The following STX8 variants were observed in gnomAD, a reference collection of about 807,000 sequenced individuals.
STX8 encodes the protein syntaxin 8.
In STX8, 23 loss-of-function variants were observed where a neutral mutation model predicts 37.5. The ratio of observed to expected loss-of-function variants is 0.61; its 90% CI spans 0.44 to 0.87. The LOEUF is 0.87. STX8 is among the 40% of genes least tolerant of loss of function. STX8 has a pLI of 0.00. For synonymous variants in STX8, 115 were observed against 99.1 expected (o/e 1.16, Z -0.95); for missense variants, 313 against 284.7 (o/e 1.10, Z -0.71).
rs190078022 is a variant in STX8 at position 9,323,418 on chromosome 17, G to A, written c.643+55134C>T. ...GCTATGATTTTTAAATTAAAAACACGTCAAATAACTCTGTATTTTATAAAC... is the reference window on the plus strand; with the variant it reads ...GCTATGATTTTTAAATTAAAAACACATCAAATAACTCTGTATTTTATAAAC... On this transcript the variant is annotated intron_variant, in intron 7 of 7. Transcript: ENST00000306357. Among the ~76,000 whole-genome samples the A allele has an allele frequency of 3.1e-3, 479 of 152,182 alleles. 9 individuals are homozygous for A. The highest frequency in any genetic ancestry group is 4.6e-3 in the East Asian group (24 of 5,184).
At chr17:9,485,569 G>GTT (rs1266626105) in intron 6 of STX8, among the ~76,000 whole-genome samples, 1 of 146,310 alleles carries the variant, frequency 6.8e-6, no homozygotes, top group African/African-American at 2.5e-5. Flanking sequence ...GGAGTTCTTT[G>GTT]TTTTTGTTTT....
At chr17:9,498,954 ATTG>A (rs1191510997) in intron 5 of STX8, among the ~76,000 whole-genome samples, 3 of 152,192 alleles carry the variant, frequency 2.0e-5, no homozygotes, top group Non-Finnish European at 4.4e-5. Context: ...CAATTAAGTG[ATTG>A]TCATCACCCA....
At chr17:9,257,341 T>C (rs1229268026) in intron 7 of STX8, among the ~76,000 whole-genome samples, 1 of 152,050 alleles carries the variant, frequency 6.6e-6, no homozygotes, top group Admixed American at 6.6e-5. Flanking sequence ...TCATCTGGAG[T>C]CATGGTCCAT....
intron 7 of STX8, among the ~76,000 whole-genome samples, chr17:9,339,399 A>T (rs1910255420): frequency 6.6e-6 from 1 of 152,124 alleles, no homozygotes; most frequent in Non-Finnish European, 1.5e-5. Context: ...TCACGCCTGT[A>T]ATCCCAGCAC....
At chr17:9,448,946 C>T (rs1017963780) in intron 6 of STX8, among the ~76,000 whole-genome samples, 11 of 151,974 alleles carry the variant, frequency 7.2e-5, no homozygotes, top group Admixed American at 4.6e-4. Flanking sequence ...TATATTACTG[C>T]AATCTTTTTT....
intron 7 of STX8, among the ~76,000 whole-genome samples, chr17:9,327,868 C>G (rs1286880849): frequency 6.6e-6 from 1 of 151,762 alleles, no homozygotes; most frequent in Non-Finnish European, 1.5e-5. Context: ...CTCCCTTCCT[C>G]TCTTTTTTCC....
chr17:9,542,660 G>A (rs1906329248), intron 4 of STX8, among the ~76,000 whole-genome samples: 1 of 151,864 alleles, frequency 6.6e-6, no homozygotes, highest in Non-Finnish European at 1.5e-5. Flanking sequence ...CTGGGCGACA[G>A]AGCAAGACTC....
At chr17:9,282,756 A>G (rs939727203) in intron 7 of STX8, among the ~76,000 whole-genome samples, 6 of 152,232 alleles carry the variant, frequency 3.9e-5, no homozygotes, top group African/African-American at 1.4e-4. Flanking sequence ...CTATATGGCC[A>G]CAAAGGGCAG....
intron 6 of STX8, among the ~76,000 whole-genome samples, chr17:9,424,135 A>AAC (rs1406914563): frequency 1.3e-5 from 2 of 152,110 alleles, no homozygotes; most frequent in African/African-American, 4.8e-5. Flanking sequence ...CAACTCTAGC[A>AAC]ACACCTTGGG....
In STX8 at chr17:9,267,996, G is replaced by GA. The variant is rs34300236; in HGVS notation, c.644-17352dup. Among the ~76,000 whole-genome samples the GA allele has an allele frequency of 3.8e-4, 46 of 121,322 alleles. No individual in the cohort carries two copies. In the East Asian group the frequency reaches 3.9e-3, roughly 10 times the overall value. 79.6% of individuals were successfully genotyped at this position (121,322 alleles called of 152,430 possible). On this transcript the variant is annotated intron_variant, in intron 7 of 7. Coordinates refer to ENST00000306357, the MANE Select transcript of STX8 (RefSeq NM_004853.3). ...ACAAGAGTGAAACTCTGCCTAAAAAGAAAAAAAAAAAAAAAAAAGCTTAAA... is the reference window on the plus strand; with the variant it reads ...ACAAGAGTGAAACTCTGCCTAAAAAGAAAAAAAAAAAAAAAAAAAGCTTAAA...
chr17:9,278,039 G>A (rs1004831432), intron 7 of STX8, among the ~76,000 whole-genome samples: 2 of 152,140 alleles, frequency 1.3e-5, no homozygotes, highest in Non-Finnish European at 2.9e-5. Flanking sequence ...GGACCGGAGG[G>A]TATGGTGTCC....
chr17:9,492,299 A>C (rs62066189), intron 5 of STX8, among the ~76,000 whole-genome samples: 2 of 152,134 alleles, frequency 1.3e-5, no homozygotes, highest in South Asian at 4.1e-4. Context: ...ATAAAGTTTT[A>C]ACATCGCTAC....
chr17:9,255,370 T>C (rs2142119505), intron 7 of STX8, among the ~76,000 whole-genome samples: 1 of 151,964 alleles, frequency 6.6e-6, no homozygotes, highest in Non-Finnish European at 1.5e-5. Context: ...CTACTAAAAA[T>C]ACAAAAATTA....
intron 7 of STX8, among the ~76,000 whole-genome samples, chr17:9,256,622 A>T (rs1906806634): frequency 6.6e-6 from 1 of 152,204 alleles, no homozygotes; most frequent in African/African-American, 2.4e-5. Flanking sequence ...AGTAAGTATC[A>T]CTAAAAGGCA....
chr17:9,443,399 T>A (rs1179998707), intron 6 of STX8, among the ~76,000 whole-genome samples: 1 of 152,132 alleles, frequency 6.6e-6, no homozygotes, highest in Non-Finnish European at 1.5e-5. Flanking sequence ...CCACACACAG[T>A]CCGCATCCCC....
chr17:9,537,808 A>G (rs141421723), intron 4 of STX8, among the ~76,000 whole-genome samples: 380 of 152,374 alleles, frequency 2.5e-3, no homozygotes, highest in African/African-American at 8.8e-3. Context: ...AGTATTAACC[A>G]TACAGTCTCC....
At chr17:9,416,210 A>C (rs1913187145) in intron 6 of STX8, among the ~76,000 whole-genome samples, 1 of 152,166 alleles carries the variant, frequency 6.6e-6, no homozygotes, top group African/African-American at 2.4e-5. Flanking sequence ...CAGAGATCCC[A>C]ACTTAATTGG....
intron 4 of STX8, among the ~76,000 whole-genome samples, chr17:9,518,470 C>G (rs1318199568): frequency 6.6e-6 from 1 of 152,146 alleles, no homozygotes; most frequent in Admixed American, 6.6e-5. Context: ...CCCCATCTGC[C>G]TCTGAAATGT....
At chr17:9,381,952 G>C (rs1055077303) in intron 6 of STX8, among the ~76,000 whole-genome samples, 1 of 151,882 alleles carries the variant, frequency 6.6e-6, no homozygotes, top group Admixed American at 6.6e-5. Flanking sequence ...CTGGGTGACA[G>C]AGCAAGACTC....
Sources: gnomAD v4.1 joint callset for allele counts (sites outside exome capture counted in the v4.1 genomes callset) on GRCh38, gnomAD v4.1.1 for gene constraint, MANE v1.5 for transcripts, NCBI Gene and HGNC (gene_info 2026-07-23, HGNC 2026-07-21) for gene names.